The following CNTN4 variants were observed in gnomAD, a reference collection of about 807,000 sequenced individuals.
The protein encoded by CNTN4 is contactin 4, also known as contactin-4.
A neutral mutation model predicts 122.5 loss-of-function variants in CNTN4; 77 were observed. The ratio of observed to expected loss-of-function variants is 0.63; its 90% CI spans 0.52 to 0.76. The LOEUF is 0.76. CNTN4 is among the 30% of genes least tolerant of loss of function. CNTN4 has a pLI of 0.00. For synonymous variants in CNTN4, 512 were observed against 447.0 expected, an observed-to-expected ratio of 1.15 and a Z score of -1.83; for missense variants, 1,256 against 1,259.1, an observed-to-expected ratio of 1.00 and a Z score of 0.04.
At chr3:2,683,899 A>G (rs1357291153) in intron 4 of CNTN4, among the ~76,000 whole-genome samples, 1 of 152,110 alleles carries the variant, frequency 6.6e-6, no homozygotes, top group African/African-American at 2.4e-5. Flanking sequence ...ACCTACCAAA[A>G]AAGAGTCTCT....
intron 2 of CNTN4, among the ~76,000 whole-genome samples, chr3:2,273,693 C>CT: frequency 6.6e-6 from 1 of 152,276 alleles, no homozygotes; most frequent in Non-Finnish European, 1.5e-5. Flanking sequence ...CTGCTTCCCA[C>CT]TTTACTATTT....
At chr3:2,366,391 T>C (rs1339609120) in intron 3 of CNTN4, among the ~76,000 whole-genome samples, 2 of 152,146 alleles carry the variant, frequency 1.3e-5, no homozygotes. Flanking sequence ...CTTATGCCCA[T>C]TTCATTCATG....
intron 4 of CNTN4, among the ~76,000 whole-genome samples, chr3:2,644,735 G>C (rs769890804): frequency 6.8e-6 from 1 of 147,206 alleles, no homozygotes; most frequent in African/African-American, 2.5e-5. Context: ...CACTGAAAAT[G>C]GGCGCAGGCT....
intron 3 of CNTN4, among the ~76,000 whole-genome samples, chr3:2,566,168 T>C (rs968414784): frequency 1.3e-5 from 2 of 152,276 alleles, no homozygotes; most frequent in South Asian, 2.1e-4. Flanking sequence ...AAAGCCAAGT[T>C]AGAGAGAAAG....
intron 4 of CNTN4, among the ~76,000 whole-genome samples, chr3:2,619,385 A>T (rs977057580): frequency 6.6e-6 from 1 of 152,220 alleles, no homozygotes; most frequent in Admixed American, 6.5e-5. Flanking sequence ...GCAACCTAGA[A>T]ATTGCATTGA....
chr3:2,609,068 T>C (rs2081375019), intron 4 of CNTN4, among the ~76,000 whole-genome samples: 1 of 152,218 alleles, frequency 6.6e-6, no homozygotes, highest in African/African-American at 2.4e-5. Flanking sequence ...GAAACACTGA[T>C]TTTTCTACGA....
chr3:2,593,176 T>G (rs2080583223), intron 4 of CNTN4, among the ~76,000 whole-genome samples: 1 of 152,202 alleles, frequency 6.6e-6, no homozygotes, highest in Non-Finnish European at 1.5e-5. Flanking sequence ...AAACATCTAT[T>G]TATGTAACAA....
intron 4 of CNTN4, among the ~76,000 whole-genome samples, chr3:2,674,002 G>C (rs929333851): frequency 6.6e-6 from 1 of 152,194 alleles, no homozygotes; most frequent in African/African-American, 2.4e-5. Context: ...CCAACTGCCA[G>C]ACATTTCAGT....
At chr3:2,331,880 C>T (rs549716553) in intron 2 of CNTN4, among the ~76,000 whole-genome samples, 2 of 152,280 alleles carry the variant, frequency 1.3e-5, no homozygotes, top group East Asian at 1.9e-4. Context: ...CCTGCCCAGT[C>T]CCCTGCCGCT....
At chr3:2,580,569 C>T (rs1221428724) in intron 4 of CNTN4, among the ~76,000 whole-genome samples, 1 of 152,162 alleles carries the variant, frequency 6.6e-6, no homozygotes, top group Non-Finnish European at 1.5e-5. Flanking sequence ...ACGCAAACTC[C>T]CCTTGCTGAT....
rs536087777 is a variant in CNTN4 at position 2,419,557 on chromosome 3, G to A, written c.-89+80324G>A. On this transcript the variant is annotated intron_variant, in intron 3 of 24. Coordinates refer to ENST00000418658, the MANE Select transcript of CNTN4 (RefSeq NM_175607.3). ...TATGGATAACATAAGGTAACATTGC[G>A]AATAGTGAAGTCTGCAACTAAAAGA... 1.4e-4 allele frequency among the ~76,000 whole-genome samples: 21 copies of A among 152,246 alleles called. No homozygotes were observed. The South Asian group carries it at 3.3e-3, about 24-fold the overall frequency.
intron 4 of CNTN4, among the ~76,000 whole-genome samples, chr3:2,603,748 A>G (rs947677360): frequency 1.3e-5 from 2 of 152,202 alleles, no homozygotes; most frequent in Non-Finnish European, 2.9e-5. Context: ...ATCTACTGTC[A>G]TGGGGCAGCT....
chr3:2,545,060 G>A (rs935802716), intron 3 of CNTN4, among the ~76,000 whole-genome samples: 11 of 152,106 alleles, frequency 7.2e-5, no homozygotes, highest in East Asian at 5.8e-4. Context: ...CAGAGATTGC[G>A]TTATGTTGTA....
chr3:2,343,468 C>T (rs968864811), intron 3 of CNTN4, among the ~76,000 whole-genome samples: 1 of 152,144 alleles, frequency 6.6e-6, no homozygotes, highest in African/African-American at 2.4e-5. Context: ...TCTTATTGGT[C>T]ACTCTCTGCA....
intron 2 of CNTN4, among the ~76,000 whole-genome samples, chr3:2,202,704 C>A (rs541259037): frequency 9.2e-5 from 14 of 152,246 alleles, no homozygotes; most frequent in African/African-American, 3.4e-4. Flanking sequence ...GGTCACATAG[C>A]TAGATAATAA....
chr3:2,105,000 C>T (rs145510663), intron 2 of CNTN4, among the ~76,000 whole-genome samples: 137 of 152,206 alleles, frequency 9.0e-4, no homozygotes, highest in African/African-American at 3.0e-3. Context: ...CAGGTCTTGT[C>T]GGGAAGAGCA....
chr3:2,920,665 T>C (rs1282694872), intron 12 of CNTN4, among the ~76,000 whole-genome samples: 1 of 152,144 alleles, frequency 6.6e-6, no homozygotes, highest in African/African-American at 2.4e-5. Context: ...ACTGGGGTAG[T>C]GCAGTAGTGG....
chr3:2,624,822 C>T (rs952964639), intron 4 of CNTN4, among the ~76,000 whole-genome samples: 1 of 151,526 alleles, frequency 6.6e-6, no homozygotes. Context: ...TTAGTAGAGA[C>T]AGGATTTCAC....
chr3:3,039,936 G>A (rs1699994547), intron 19 of CNTN4, 101 bp from the exon 20 acceptor site: 7 of 807,056 alleles, frequency 8.7e-6, no homozygotes, highest in Non-Finnish European at 1.5e-5. Flanking sequence ...AAGATGGGTG[G>A]AGAAGGATGT....
Sources: gnomAD v4.1 joint callset for allele counts (sites outside exome capture counted in the v4.1 genomes callset) on GRCh38, gnomAD v4.1.1 for gene constraint, MANE v1.5 for transcripts, NCBI Gene and HGNC (gene_info 2026-07-23, HGNC 2026-07-21) for gene names.